MALT1: variants seen among roughly 807,000 people sequenced by gnomAD.
MALT1 encodes MALT1 paracaspase.
Under a neutral mutation model 85.5 loss-of-function variants are expected in MALT1, and 36 were observed. That is an observed-to-expected ratio of 0.42 (90% CI 0.32 to 0.56). The LOEUF is 0.56. Ranked by LOEUF, MALT1 falls within the 20% of genes least tolerant of loss-of-function variation. MALT1 has a pLI of 0.10. For synonymous variants in MALT1, 359 were observed against 361.3 expected (o/e 0.99, Z 0.07); for missense variants, 716 against 981.6 (o/e 0.73, Z 3.62).
chr18:58,687,185 T>C (rs2054416717), intron 2 of MALT1, among the ~76,000 whole-genome samples: 2 of 152,214 alleles, frequency 1.3e-5, no homozygotes, highest in Non-Finnish European at 2.9e-5. Context: ...CAATTATTCC[T>C]AAAAGAAAAA....
At chr18:58,738,098 A>G (rs1232927298) in intron 13 of MALT1, among the ~76,000 whole-genome samples, 1 of 152,198 alleles carries the variant, frequency 6.6e-6, no homozygotes, top group Non-Finnish European at 1.5e-5. Flanking sequence ...ATCTAATTAT[A>G]GGACCCCTCT....
intron 10 of MALT1, among the ~76,000 whole-genome samples, chr18:58,733,163 G>A (rs1257332264): frequency 7.2e-5 from 11 of 152,128 alleles, no homozygotes; most frequent in East Asian, 5.8e-4. Context: ...TGCCTGCCTC[G>A]GCCTCCCAAA....
chr18:58,731,586 G>GCT (rs970891017), intron 10 of MALT1, among the ~76,000 whole-genome samples: 3 of 152,050 alleles, frequency 2.0e-5, no homozygotes, highest in Admixed American at 1.3e-4. Flanking sequence ...AATCTACCTC[G>GCT]CTCTCTCTCT....
chr18:58,724,275 G>T (rs1244108683), intron 10 of MALT1, among the ~76,000 whole-genome samples: 1 of 152,116 alleles, frequency 6.6e-6, no homozygotes, highest in Non-Finnish European at 1.5e-5. Flanking sequence ...TTGTGTAAGG[G>T]ATGGGGAAAA....
chr18:58,727,518 T>C (rs2055074149), intron 10 of MALT1, among the ~76,000 whole-genome samples: 1 of 152,084 alleles, frequency 6.6e-6, no homozygotes. Context: ...TTAGCCAGGA[T>C]GGTCTCGCTC....
intron 1 of MALT1, among the ~76,000 whole-genome samples, chr18:58,678,148 C>T (rs981773195): frequency 1.3e-5 from 2 of 152,072 alleles, no homozygotes; most frequent in Non-Finnish European, 2.9e-5. Flanking sequence ...TTAATTTGAT[C>T]GTATACATTT....
chr18:58,676,223 C>T (rs796411993), intron 1 of MALT1, among the ~76,000 whole-genome samples: 1 of 152,244 alleles, frequency 6.6e-6, no homozygotes, highest in African/African-American at 2.4e-5. Flanking sequence ...TCTTATTCCT[C>T]CTCTGCTCAA....
Position 58,675,323 on chromosome 18 carries a change from G to A in MALT1, c.209+3471G>A, listed in dbSNP as rs1014106744. ...AAAACAGTCATTGCATACCTGCTGA[G>A]TAGAAGGTGCACTTTTAGCTGCAGA... On this transcript the variant is annotated intron_variant, in intron 1 of 16. Coordinates refer to ENST00000649217, the MANE Select transcript of MALT1 (RefSeq NM_006785.4). The A allele has an allele frequency of 2.9e-4, 44 of 152,250 alleles. 1 individual carries two copies. Among genetic ancestry groups the A allele is most frequent in the African/African-American group, 1.0e-3 (42 of 41,456 alleles). 9.4% of individuals were successfully genotyped at this position (152,250 alleles called of 1,614,324 possible).
intron 2 of MALT1, chr18:58,691,416 G>A (rs1024538059): frequency 9.9e-6 from 5 of 503,548 alleles, no homozygotes; most frequent in African/African-American, 8.2e-5. Flanking sequence ...GGAGCAGCCC[G>A]TGGTTGTGCA....
chr18:58,702,113 C>T (rs933506770), intron 4 of MALT1, among the ~76,000 whole-genome samples: 1 of 151,658 alleles, frequency 6.6e-6, no homozygotes, highest in South Asian at 2.1e-4. Flanking sequence ...ACCTGTAATC[C>T]CAGTACTTTG....
rs775872427 is a variant in MALT1, at chr18:58,700,447, A to G, written c.505A>G (p.Asn169Asp). Reference protein sequence around the residue: ...QWFKMNKEIPNGNTSELIFNA... With the variant: ...QWFKMNKEIPDGNTSELIFNA... ...CTTATTGATTCTTTCACAGATTCCA[A>G]ATGGAAATACATCAGAGCTTATTTT... Residue 169 changes from asparagine (N) to aspartate (D), a missense_variant, in exon 4 of 17, where the codon AAT (asparagine) becomes GAT (aspartate). By Grantham distance (23) the Asn-to-Asp change is conservative. This residue lies in a region of MALT1 where 290 missense variants were observed against 380.5 expected (regional missense o/e 0.76). Coordinates refer to ENST00000649217, the MANE Select transcript of MALT1 (RefSeq NM_006785.4). 6.3e-7 allele frequency: 1 copy of G among 1,594,406 alleles called. No individual in the cohort carries two copies. The highest frequency in any genetic ancestry group is 1.1e-5 in the South Asian group (1 of 86,998).
At chr18:58,685,824 A>G (rs2054393147) in intron 2 of MALT1, among the ~76,000 whole-genome samples, 1 of 151,700 alleles carries the variant, frequency 6.6e-6, no homozygotes, top group African/African-American at 2.4e-5. Flanking sequence ...TTGTTTCCCT[A>G]CTTTTATTCC....
chr18:58,690,163 G>C (rs973211361), intron 2 of MALT1, among the ~76,000 whole-genome samples: 2 of 152,186 alleles, frequency 1.3e-5, no homozygotes, highest in African/African-American at 4.8e-5. Flanking sequence ...TCATATCTCT[G>C]TGTCACACCT....
intron 2 of MALT1, among the ~76,000 whole-genome samples, chr18:58,695,145 T>C (rs2054569162): frequency 6.6e-6 from 1 of 152,258 alleles, no homozygotes; most frequent in Admixed American, 6.5e-5. Flanking sequence ...CCTTCCACCA[T>C]GATTGTGAGT....
Position 58,742,008 on chromosome 18 carries a change from G to A in MALT1, c.1747G>A (p.Ala583Thr), listed in dbSNP as rs774110423. 4 of 1,522,580 alleles carry A rather than the reference G, an allele frequency of 2.6e-6. No homozygotes were observed. Among genetic ancestry groups the A allele is most frequent in the Non-Finnish European group, 3.6e-6 (4 of 1,115,838 alleles). The allele number at this position is 1,522,580 out of a possible 1,614,324, so 94.3% of individuals were successfully genotyped here. ...SLVRNLQWAK[A>T]HELPESMCLK... is the part of the protein sequence containing the mutation. The stretch of plus-strand genomic sequence containing the variant: ...TGTGCGGAATCTACAGTGGGCCAAG[G>A]CTCATGGTACGGTAAAGCCCATTTT... The change falls in exon 14 of 17, where the codon GCT (alanine) becomes ACT (threonine). Residue 583 changes from alanine to threonine, a missense_variant. Ala to Thr is a moderately conservative substitution (Grantham distance 58). Coordinates refer to ENST00000649217, the MANE Select transcript of MALT1 (RefSeq NM_006785.4).
intron 10 of MALT1, among the ~76,000 whole-genome samples, chr18:58,725,231 A>G (rs2055037435): frequency 6.6e-6 from 1 of 152,154 alleles, no homozygotes; most frequent in Non-Finnish European, 1.5e-5. Flanking sequence ...CTGAGACACA[A>G]GAATCGCTTG....
Position 58,696,446 on chromosome 18 carries a change from C to G in MALT1, c.457C>G (p.His153Asp). ...GAAACTGTGTTGCCGGGCAACTGGA[C>G]ATCCTTTTGTTCAATATCAGTGGTT... is the stretch of plus-strand genomic sequence containing the variant. ...FVKLCCRATG[H>D]PFVQYQWFKM... The change falls in exon 3 of 17, where the codon CAT becomes GAT. Residue 153 changes from histidine to aspartate, a missense_variant. This residue lies in a region of MALT1 where 290 missense variants were observed against 380.5 expected (regional missense o/e 0.76). Transcript: ENST00000649217. The G allele has an allele frequency of 6.3e-7, 1 of 1,591,278 alleles. No individual in the cohort carries two copies. The highest frequency in any genetic ancestry group is 8.5e-7 in the Non-Finnish European group (1 of 1,169,716).
intron 2 of MALT1, among the ~76,000 whole-genome samples, chr18:58,691,756 T>G (rs1384785635): frequency 6.6e-6 from 1 of 151,768 alleles, no homozygotes; most frequent in Non-Finnish European, 1.5e-5. Context: ...TAGTCCCAGC[T>G]ACTCTACTCA....
At chr18:58,691,232 A>C (rs573637107) in intron 2 of MALT1, 79 of 344,498 alleles carry the variant, frequency 2.3e-4, no homozygotes, top group South Asian at 1.3e-3. Flanking sequence ...ATGACACAGG[A>C]TTCTGGGAGG....
Sources: allele counts gnomAD v4.1 joint callset (sites outside exome capture counted in the v4.1 genomes callset), GRCh38; gene constraint gnomAD v4.1.1; regional missense constraint gnomAD v4.1.1; transcripts MANE v1.5; gene names NCBI Gene and HGNC (gene_info 2026-07-23, HGNC 2026-07-21).